The following TMEM178B variants were observed in gnomAD, a reference collection of about 807,000 sequenced individuals.
TMEM178B encodes transmembrane protein 178B.
A neutral mutation model predicts 31.0 loss-of-function variants in TMEM178B; 5 were observed. That is an observed-to-expected ratio of 0.16 (90% CI 0.08 to 0.34). The LOEUF is 0.34. TMEM178B is among the 10% of genes least tolerant of loss of function. TMEM178B has a pLI of 1.00. For missense variants in TMEM178B, 275 were observed against 400.3 expected, an observed-to-expected ratio of 0.69 and a Z score of 2.67; for synonymous variants, 164 against 164.0, an observed-to-expected ratio of 1.00 and a Z score of 0.00.
the TMEM178B span, among the ~76,000 whole-genome samples, chr7:141,496,773 C>CAAAA: frequency 0.049 from 7,353 of 149,926 alleles, 544 homozygotes; most frequent in African/African-American, 0.16. Context: ...GGAATTACTG[C>CAAAA]AAAAAAAATG....
rs114043437 is a variant in TMEM178B, at chr7:141,149,194, A to T, written c.383-63397A>T. Among the ~76,000 whole-genome samples the T allele has an allele frequency of 5.1e-3, 773 of 152,298 alleles. 8 individuals are homozygous for T. Among genetic ancestry groups the T allele is most frequent in the African/African-American group, 0.018 (743 of 41,564 alleles). ...GTTGGGTTGGACTAGATTTCAGTAG[A>T]TGTTATCCTCCAAAAATATATGTTG... On this transcript the variant is annotated intron_variant, in intron 1 of 3. Coordinates refer to ENST00000565468, the MANE Select transcript of TMEM178B (RefSeq NM_001195278.2).
At chr7:141,192,920 G>T (rs1563113274) in intron 1 of TMEM178B, among the ~76,000 whole-genome samples, 1 of 152,140 alleles carries the variant, frequency 6.6e-6, no homozygotes, top group Non-Finnish European at 1.5e-5. Context: ...CTTATGATTT[G>T]ATATTTATTT....
chr7:141,075,530 C>T lies in TMEM178B; in HGVS notation c.382+838C>T, dbSNP rs149697171. 5.8e-3 allele frequency among the ~76,000 whole-genome samples: 889 copies of T among 152,248 alleles called. 7 individuals carry two copies. Among genetic ancestry groups the T allele is most frequent in the African/African-American group, 0.02 (850 of 41,542 alleles). ...ACATTACTTAAAAAATTCTGCTTAT[C>T]GGATGGAATTTGTAAACCTTGTATG... On this transcript the variant is annotated intron_variant, in intron 1 of 3. Coordinates refer to ENST00000565468, the MANE Select transcript of TMEM178B (RefSeq NM_001195278.2).
chr7:141,210,221 T>C (rs892317573), intron 1 of TMEM178B, among the ~76,000 whole-genome samples: 2 of 151,936 alleles, frequency 1.3e-5, no homozygotes, highest in Non-Finnish European at 2.9e-5. Flanking sequence ...TCCCAGCACT[T>C]TGGGAGGCCG....
At chr7:141,211,932 A>C (rs1301303869) in intron 1 of TMEM178B, among the ~76,000 whole-genome samples, 2 of 152,198 alleles carry the variant, frequency 1.3e-5, no homozygotes, top group Non-Finnish European at 2.9e-5. Flanking sequence ...CTGGGACCAC[A>C]CTTTGAGAAT....
intron 2 of TMEM178B, among the ~76,000 whole-genome samples, chr7:141,360,472 C>A (rs1799897680): frequency 6.6e-6 from 1 of 152,222 alleles, no homozygotes. Flanking sequence ...GCCAGGCTTT[C>A]ACAAAGAGTA....
chr7:141,156,084 A>C (rs930651992), intron 1 of TMEM178B, among the ~76,000 whole-genome samples: 2 of 152,124 alleles, frequency 1.3e-5, no homozygotes, highest in East Asian at 3.9e-4. Context: ...AAAAAACCCC[A>C]AAACAAATAT....
chr7:141,150,248 C>G (rs1328872444), intron 1 of TMEM178B, among the ~76,000 whole-genome samples: 1 of 152,094 alleles, frequency 6.6e-6, no homozygotes, highest in Non-Finnish European at 1.5e-5. Flanking sequence ...TTCAGACAAC[C>G]CTGAACGGCC....
chr7:141,087,793 C>T (rs1039041529), intron 1 of TMEM178B, among the ~76,000 whole-genome samples: 2 of 152,114 alleles, frequency 1.3e-5, no homozygotes, highest in Non-Finnish European at 2.9e-5. Context: ...ATGTTAAGAT[C>T]ATGTGTTTCT....
intron 1 of TMEM178B, among the ~76,000 whole-genome samples, chr7:141,151,365 A>G (rs2129180511): frequency 6.6e-6 from 1 of 152,308 alleles, no homozygotes; most frequent in Middle Eastern, 3.4e-3. Flanking sequence ...ACAGCTAAAG[A>G]AACTGGGTCT....
intron 2 of TMEM178B, among the ~76,000 whole-genome samples, chr7:141,237,481 G>T (rs1667834161): frequency 6.6e-6 from 1 of 152,060 alleles, no homozygotes; most frequent in South Asian, 2.1e-4. Context: ...TTGAAAAAAA[G>T]AATAATGTAA....
chr7:141,445,936 A>G (rs1801745759), intron 3 of TMEM178B, among the ~76,000 whole-genome samples: 1 of 152,240 alleles, frequency 6.6e-6, no homozygotes, highest in South Asian at 2.1e-4. Context: ...TTAGAGACTC[A>G]CAAACTACTT....
chr7:141,147,871 G>A (rs1296049948), intron 1 of TMEM178B, among the ~76,000 whole-genome samples: 1 of 152,182 alleles, frequency 6.6e-6, no homozygotes, highest in Non-Finnish European at 1.5e-5. Flanking sequence ...CTTATAGATG[G>A]CAATTGAAGC....
intron 1 of TMEM178B, among the ~76,000 whole-genome samples, chr7:141,105,512 C>A (rs1398659218): frequency 6.6e-6 from 1 of 151,908 alleles, no homozygotes; most frequent in Non-Finnish European, 1.5e-5. Flanking sequence ...ATCTCAAAAA[C>A]TAAACAAAAC....
At chr7:141,507,139 A>G in the TMEM178B span, among the ~76,000 whole-genome samples, 61 of 152,272 alleles carry the variant, frequency 4.0e-4, no homozygotes, top group Middle Eastern at 6.8e-3. Flanking sequence ...TTCTAGGTGC[A>G]CCGTGCAAGC....
chr7:141,328,373 C>A (rs1799235187), intron 2 of TMEM178B, among the ~76,000 whole-genome samples: 1 of 152,182 alleles, frequency 6.6e-6, no homozygotes, highest in Non-Finnish European at 1.5e-5. Flanking sequence ...AGGCTTCTCC[C>A]CACCCTCAAT....
chr7:141,280,082 G>A (rs1798331315), intron 2 of TMEM178B, among the ~76,000 whole-genome samples: 1 of 152,216 alleles, frequency 6.6e-6, no homozygotes, highest in Non-Finnish European at 1.5e-5. Flanking sequence ...AGGAAATAAA[G>A]AGAGGTGCCG....
chr7:141,151,243 A>C (rs1795968305), intron 1 of TMEM178B, among the ~76,000 whole-genome samples: 1 of 152,188 alleles, frequency 6.6e-6, no homozygotes. Flanking sequence ...GGTTAACAAT[A>C]ATAATGGCTG....
intron 2 of TMEM178B, among the ~76,000 whole-genome samples, chr7:141,360,416 A>T (rs1799897122): frequency 6.6e-6 from 1 of 152,220 alleles, no homozygotes; most frequent in Non-Finnish European, 1.5e-5. Context: ...AGGAAAGAAG[A>T]TGTCTTCTGG....
Sources: allele counts gnomAD v4.1 joint callset (sites outside exome capture counted in the v4.1 genomes callset), GRCh38; gene constraint gnomAD v4.1.1; transcripts MANE v1.5; gene names NCBI Gene and HGNC (gene_info 2026-07-23, HGNC 2026-07-21).